Variants in RBFOX1 observed in about 807,000 individuals in gnomAD.
RBFOX1 encodes the protein RNA binding fox-1 homolog 1.
RBFOX1 carries 8 observed loss-of-function variants against 57.7 expected under a neutral mutation model. The observed-to-expected ratio is 0.14, with a 90% CI of 0.08 to 0.25. RBFOX1 has a LOEUF of 0.25. RBFOX1 is among the 10% of genes least tolerant of loss of function. The pLI, the probability that RBFOX1 is intolerant of heterozygous loss-of-function variation, is 1.00. For missense variants in RBFOX1, 611 were observed against 548.5 expected (o/e 1.11, Z -1.14); for synonymous variants, 326 against 222.4 (o/e 1.47, Z -4.15).
intron 4 of RBFOX1, among the ~76,000 whole-genome samples, chr16:7,091,531 A>T (rs2060854446): frequency 6.6e-6 from 1 of 152,000 alleles, no homozygotes; most frequent in Admixed American, 6.6e-5. Flanking sequence ...GTCACTTAAA[A>T]AAAAAAAGAA....
intron 4 of RBFOX1, among the ~76,000 whole-genome samples, chr16:5,994,910 A>G (rs907331805): frequency 2.6e-5 from 4 of 152,208 alleles, no homozygotes; most frequent in Non-Finnish European, 4.4e-5. Flanking sequence ...AGTGTCATGA[A>G]CAGATCAACT....
chr16:6,839,528 A>T (rs1012738849), intron 3 of RBFOX1, among the ~76,000 whole-genome samples: 2 of 152,200 alleles, frequency 1.3e-5, no homozygotes, highest in South Asian at 2.1e-4. Context: ...AATTTTAATC[A>T]GACAGACAAG....
chr16:7,556,406 C>G (rs13334178), intron 5 of RBFOX1, among the ~76,000 whole-genome samples: 33 of 152,104 alleles, frequency 2.2e-4, no homozygotes, highest in African/African-American at 8.0e-4. Flanking sequence ...TAACTCAGAT[C>G]CCTTTCTTAG....
At chr16:7,408,640 T>A (rs937455525) in intron 4 of RBFOX1, among the ~76,000 whole-genome samples, 6 of 152,230 alleles carry the variant, frequency 3.9e-5, no homozygotes, top group African/African-American at 1.4e-4. Context: ...TCAAGGCTGC[T>A]ATCTCCTACA....
chr16:5,736,556 G>A (rs1041216822), intron 3 of RBFOX1, among the ~76,000 whole-genome samples: 1 of 152,122 alleles, frequency 6.6e-6, no homozygotes, highest in Non-Finnish European at 1.5e-5. Flanking sequence ...AGTGGGGCCC[G>A]GATCGGGGTC....
At chr16:7,074,794 C>T (rs964651554) in intron 4 of RBFOX1, among the ~76,000 whole-genome samples, 2 of 152,118 alleles carry the variant, frequency 1.3e-5, no homozygotes, top group South Asian at 2.1e-4. Context: ...TGCTTAAAAC[C>T]AAAGATAAAC....
At chr16:7,093,386 G>A (rs1391651074) in intron 4 of RBFOX1, among the ~76,000 whole-genome samples, 4 of 152,202 alleles carry the variant, frequency 2.6e-5, no homozygotes, top group South Asian at 4.2e-4. Context: ...TATTCCAGCC[G>A]CCATGTTTTT....
intron 15 of RBFOX1, 162 bp from the exon 16 acceptor site, chr16:7,710,461 A>G (rs1422610427): frequency 2.0e-6 from 3 of 1,479,920 alleles, no homozygotes; most frequent in Non-Finnish European, 2.7e-6. Context: ...AAGGTCAGGA[A>G]TGGCCCTATC....
intron 2 of RBFOX1, among the ~76,000 whole-genome samples, chr16:5,474,093 T>A (rs1338623112): frequency 6.6e-6 from 1 of 152,172 alleles, no homozygotes; most frequent in Non-Finnish European, 1.5e-5. Flanking sequence ...CAAGTCTGGC[T>A]GAATTTTCCT....
chr16:7,452,910 C>T (rs947072246), intron 4 of RBFOX1, among the ~76,000 whole-genome samples: 14 of 152,078 alleles, frequency 9.2e-5, no homozygotes, highest in African/African-American at 2.9e-4. Context: ...GGGTGGATCA[C>T]TTGAGGCCAG....
intron 3 of RBFOX1, among the ~76,000 whole-genome samples, chr16:7,026,844 G>T (rs59429074): frequency 6.6e-6 from 1 of 152,166 alleles, no homozygotes; most frequent in East Asian, 1.9e-4. Flanking sequence ...GGACATTCCA[G>T]TCGGCTTGCT....
chr16:7,398,148 CT>C (rs2098173327), intron 4 of RBFOX1, among the ~76,000 whole-genome samples: 1 of 152,194 alleles, frequency 6.6e-6, no homozygotes. Context: ...GGAAATGCCT[CT>C]TTTGGACCCA....
intron 3 of RBFOX1, among the ~76,000 whole-genome samples, chr16:5,799,775 G>T (rs1294390906): frequency 6.6e-6 from 1 of 152,108 alleles, no homozygotes; most frequent in African/African-American, 2.4e-5. Context: ...TTACCCCATT[G>T]TAAATTGAGG....
chr16:6,483,326 G>A, intron 2 of RBFOX1: 1 of 1,466,134 alleles, frequency 6.8e-7, no homozygotes, highest in Non-Finnish European at 9.0e-7. Context: ...GGGGCGTTCT[G>A]CACCTGCTGG....
At chr16:5,922,650 C>G (rs757804597) in intron 4 of RBFOX1, among the ~76,000 whole-genome samples, 1 of 152,230 alleles carries the variant, frequency 6.6e-6, no homozygotes, top group Non-Finnish European at 1.5e-5. Flanking sequence ...ACATCCCCAC[C>G]ATCAGTAACC....
intron 4 of RBFOX1, among the ~76,000 whole-genome samples, chr16:7,174,310 T>G (rs998644943): frequency 6.6e-6 from 1 of 152,202 alleles, no homozygotes; most frequent in African/African-American, 2.4e-5. Context: ...TGTTTATCCA[T>G]TTACCCATTT....
At position 5,501,699 on chromosome 16, in the gene RBFOX1, A is replaced by G. The variant is rs545707663; in HGVS notation, c.258+34445A>G. Among the ~76,000 whole-genome samples, 142 of 152,286 alleles carry G rather than the reference A, an allele frequency of 9.3e-4. 1 individual carries two copies. Among genetic ancestry groups the G allele is most frequent in the Non-Finnish European group, 1.5e-3 (104 of 68,020 alleles). On this transcript the variant is annotated intron_variant, in intron 2 of 2. Transcript: ENST00000585867. The stretch of plus-strand genomic sequence containing the variant: ...CATGGTGTGTGGGTAGTACCCAGTG[A>G]ATGTTAATCTGATGATTACTATTAT...
At chr16:7,567,084 T>TGTATATATATCCCTATATATGTATATTC (rs1427716551) in intron 5 of RBFOX1, among the ~76,000 whole-genome samples, 1 of 135,830 alleles carries the variant, frequency 7.4e-6, no homozygotes, top group Admixed American at 7.8e-5. Flanking sequence ...AAGCTGGATA[T>TGTATATATATCCCTATATATGTATATTC]ATATATATCT....
At chr16:6,842,346 A>C (rs1261082452) in intron 3 of RBFOX1, among the ~76,000 whole-genome samples, 1 of 152,132 alleles carries the variant, frequency 6.6e-6, no homozygotes, top group Non-Finnish European at 1.5e-5. Context: ...ATCTTTGGAA[A>C]GACAAATACT....
Sources: gnomAD v4.1 joint callset for allele counts (sites outside exome capture counted in the v4.1 genomes callset) on GRCh38, gnomAD v4.1.1 for gene constraint, MANE v1.5 for transcripts, NCBI Gene and HGNC (gene_info 2026-07-23, HGNC 2026-07-21) for gene names.